The following CDH13 variants were observed in gnomAD, a reference collection of about 807,000 sequenced individuals.
CDH13 encodes cadherin-13.
A neutral mutation model predicts 63.8 loss-of-function variants in CDH13; 24 were observed. The ratio of observed to expected loss-of-function variants is 0.38; its 90% CI spans 0.27 to 0.53. The LOEUF (loss-of-function observed/expected upper bound fraction) is 0.53, where lower values mean the gene tolerates loss of function less well. Ranked by LOEUF, CDH13 falls within the 20% of genes least tolerant of loss-of-function variation. CDH13 has a pLI of 0.85. For missense variants in CDH13, 1,049 were observed against 903.1 expected, an observed-to-expected ratio of 1.16 and a Z score of -2.07; for synonymous variants, 503 against 355.3, an observed-to-expected ratio of 1.42 and a Z score of -4.67.
At chr16:83,115,458 C>A (rs950293926) in intron 3 of CDH13, among the ~76,000 whole-genome samples, 1 of 152,216 alleles carries the variant, frequency 6.6e-6, no homozygotes, top group Non-Finnish European at 1.5e-5. Context: ...GTTATGTCAT[C>A]TTGAGTCTAG....
intron 5 of CDH13, among the ~76,000 whole-genome samples, chr16:83,231,453 G>C (rs761276587): frequency 5.9e-5 from 9 of 152,182 alleles, no homozygotes; most frequent in African/African-American, 9.7e-5. Flanking sequence ...AGCATAGATT[G>C]CACATGGAGT....
chr16:83,199,442 A>G (rs1360199446), intron 4 of CDH13, among the ~76,000 whole-genome samples: 1 of 152,184 alleles, frequency 6.6e-6, no homozygotes, highest in Non-Finnish European at 1.5e-5. Flanking sequence ...CCCCTGAACT[A>G]GCTGTGTAAC....
At chr16:83,135,965 A>G (rs2036262339) in intron 4 of CDH13, among the ~76,000 whole-genome samples, 1 of 152,140 alleles carries the variant, frequency 6.6e-6, no homozygotes, top group South Asian at 2.1e-4. Context: ...TGTGGGAGCT[A>G]AGCTATGAGG....
At chr16:82,634,840 C>G (rs1908455385) in intron 1 of CDH13, among the ~76,000 whole-genome samples, 1 of 152,192 alleles carries the variant, frequency 6.6e-6, no homozygotes, top group Non-Finnish European at 1.5e-5. Flanking sequence ...AACTTGACTT[C>G]AGGGAGATTC....
Position 83,358,140 on chromosome 16 carries a change from G to A in CDH13, c.781+13134G>A, listed in dbSNP as rs574339445. Among the ~76,000 whole-genome samples the A allele has an allele frequency of 3.9e-5, 6 of 152,290 alleles. No individual in the cohort carries two copies. The South Asian group carries it at 1.2e-3, about 32-fold the overall frequency. The stretch of plus-strand genomic sequence containing the variant: ...ACCTCAGTATACCTTAGCAGCAGGT[G>A]TCCGTATGAAGACTGTATTGCTCAG... On this transcript the variant is annotated intron_variant, in intron 6 of 13. Transcript: ENST00000567109.
intron 5 of CDH13, among the ~76,000 whole-genome samples, chr16:83,243,451 C>T (rs1463661967): frequency 1.3e-5 from 2 of 152,064 alleles, no homozygotes; most frequent in Non-Finnish European, 2.9e-5. Flanking sequence ...GAAAGACCTA[C>T]CCCCATGATT....
At chr16:83,308,728 G>T (rs61208285) in intron 5 of CDH13, among the ~76,000 whole-genome samples, 4,205 of 152,254 alleles carry the variant, frequency 0.028, 176 homozygotes, top group African/African-American at 0.093. Context: ...CCTCACCGCC[G>T]TCTCCATATG....
chr16:83,783,136 C>T (rs561514679), intron 12 of CDH13, 118 bp from the exon 13 acceptor site: 273 of 696,680 alleles, frequency 3.9e-4, no homozygotes, highest in Non-Finnish European at 6.0e-4. Flanking sequence ...TGTAAGCATT[C>T]GCACAATTAT....
chr16:82,947,381 A>T (rs552615974), intron 2 of CDH13, among the ~76,000 whole-genome samples: 2 of 152,322 alleles, frequency 1.3e-5, no homozygotes, highest in East Asian at 3.9e-4. Context: ...AAAAAATATT[A>T]TAGTTGCAAA....
At chr16:83,108,014 G>A (rs13337135) in intron 3 of CDH13, among the ~76,000 whole-genome samples, 15,099 of 151,880 alleles carry the variant, frequency 0.099, 866 homozygotes, top group African/African-American at 0.15. Flanking sequence ...GTAGAGACGG[G>A]GTTTCACCAT....
chr16:83,344,853 C>T lies in CDH13; in HGVS notation c.637-9C>T, dbSNP rs778817843. On this transcript the variant is annotated splice_polypyrimidine_tract_variant and intron_variant, in intron 5 of 13. Coordinates refer to ENST00000567109, the MANE Select transcript of CDH13 (RefSeq NM_001257.5). ...TCTTCTTTCTCCCCCAATCTCTTTG[C>T]TCAAATAGCTATTTGTGGAGACCAC... The T allele has an allele frequency of 7.4e-6, 12 of 1,613,354 alleles. No individual in the cohort carries two copies. The highest frequency in any genetic ancestry group is 6.6e-5 in the South Asian group (6 of 91,018).
chr16:83,674,488 A>G (rs973817522), intron 9 of CDH13, among the ~76,000 whole-genome samples: 1 of 152,222 alleles, frequency 6.6e-6, no homozygotes, highest in Non-Finnish European at 1.5e-5. Flanking sequence ...GTGATGTTTC[A>G]TTGACCAATG....
intron 1 of CDH13, among the ~76,000 whole-genome samples, chr16:82,830,793 A>G (rs778634144): frequency 1.4e-4 from 21 of 152,222 alleles, no homozygotes; most frequent in Non-Finnish European, 2.1e-4. Flanking sequence ...CATGCATATT[A>G]CCATGACCGT....
At chr16:83,549,221 G>C (rs2075445820) in intron 7 of CDH13, among the ~76,000 whole-genome samples, 1 of 152,170 alleles carries the variant, frequency 6.6e-6, no homozygotes, top group South Asian at 2.1e-4. Flanking sequence ...TCACCTGGGA[G>C]AGCCCACGGG....
chr16:82,980,674 G>T (rs933402447), intron 2 of CDH13, among the ~76,000 whole-genome samples: 1 of 152,096 alleles, frequency 6.6e-6, no homozygotes, highest in Non-Finnish European at 1.5e-5. Context: ...TAAAGATTTT[G>T]GTGACATTTT....
intron 2 of CDH13, among the ~76,000 whole-genome samples, chr16:82,879,632 CTA>C (rs1289228027): frequency 1.5e-5 from 2 of 136,610 alleles, no homozygotes; most frequent in Non-Finnish European, 3.1e-5. Context: ...TATAAAATAT[CTA>C]TTATATGTTA....
intron 1 of CDH13, among the ~76,000 whole-genome samples, chr16:82,764,753 T>C (rs2034985189): frequency 6.6e-6 from 1 of 152,168 alleles, no homozygotes; most frequent in African/African-American, 2.4e-5. Context: ...CCTTTATCTC[T>C]TTATCTTGTG....
At chr16:82,772,372 C>G (rs1216339402) in intron 1 of CDH13, among the ~76,000 whole-genome samples, 1 of 152,108 alleles carries the variant, frequency 6.6e-6, no homozygotes, top group Non-Finnish European at 1.5e-5. Flanking sequence ...GGTGCAGGGA[C>G]AGCATCTACT....
At chr16:83,675,774 A>G (rs1336962037) in intron 9 of CDH13, among the ~76,000 whole-genome samples, 2 of 152,170 alleles carry the variant, frequency 1.3e-5, no homozygotes, top group African/African-American at 4.8e-5. Flanking sequence ...CTATCTAATA[A>G]AAAAATAGGG....
Sources: gnomAD v4.1 joint callset for allele counts (sites outside exome capture counted in the v4.1 genomes callset) on GRCh38, gnomAD v4.1.1 for gene constraint, MANE v1.5 for transcripts, NCBI Gene and HGNC (gene_info 2026-07-23, HGNC 2026-07-21) for gene names.